The following EIF4G3 variants were observed in gnomAD, a reference collection of about 807,000 sequenced individuals.
EIF4G3 encodes eukaryotic translation initiation factor 4 gamma 3.
In EIF4G3, 34 loss-of-function variants were observed where a neutral mutation model predicts 186.4. That is an observed-to-expected ratio of 0.18 (90% CI 0.14 to 0.24). EIF4G3 has a LOEUF of 0.24. Among genes scored for constraint, EIF4G3 ranks in the 10% least tolerant of loss-of-function variants. The probability of loss-of-function intolerance (pLI) is 1.00; values close to 1 mark genes in which losing one functional copy is unlikely to be tolerated. For synonymous variants in EIF4G3, 673 were observed against 679.5 expected (o/e 0.99, Z 0.15); for missense variants, 1,536 against 1,948.5 (o/e 0.79, Z 3.99).
chr1:20,974,654 G>A (rs570556092), intron 10 of EIF4G3, among the ~76,000 whole-genome samples: 21 of 152,184 alleles, frequency 1.4e-4, no homozygotes, highest in Middle Eastern at 3.4e-3. Flanking sequence ...AGCTATAGCT[G>A]GACAAAAATA....
intron 4 of EIF4G3, among the ~76,000 whole-genome samples, chr1:21,029,508 G>A (rs1192939934): frequency 6.6e-6 from 1 of 151,950 alleles, no homozygotes; most frequent in Non-Finnish European, 1.5e-5. Flanking sequence ...AGTGGCTCAC[G>A]CCTGTAATCC....
chr1:21,124,289 G>GA (rs111737648), intron 2 of EIF4G3, among the ~76,000 whole-genome samples: 5,105 of 146,768 alleles, frequency 0.035, 109 homozygotes, highest in Non-Finnish European at 0.039. Flanking sequence ...CGGTCTCAAA[G>GA]AAAAAAAAAA....
chr1:21,053,904 G>A (rs1210512261), intron 3 of EIF4G3, among the ~76,000 whole-genome samples: 2 of 151,706 alleles, frequency 1.3e-5, no homozygotes, highest in East Asian at 4.0e-4. Context: ...GGGCGCCTCT[G>A]CCCGGCCGCC....
intron 24 of EIF4G3, 122 bp downstream of exon 24, chr1:20,860,263 C>T: frequency 2.2e-6 from 3 of 1,357,568 alleles, no homozygotes; most frequent in Non-Finnish European, 3.0e-6. Context: ...CTTCACCTAA[C>T]AATCACCACT....
chr1:20,972,027 T>A (rs1202685680), intron 11 of EIF4G3, among the ~76,000 whole-genome samples: 1 of 152,202 alleles, frequency 6.6e-6, no homozygotes, highest in Admixed American at 6.5e-5. Context: ...GGAGTCTCTC[T>A]TGAATAAAAA....
In EIF4G3 at chr1:20,957,665, CAAGAA is replaced by C. The variant is rs1432207668; in HGVS notation, c.715-7559_715-7555del. Among the ~76,000 whole-genome samples the C allele has an allele frequency of 2.0e-5, 3 of 151,298 alleles. No homozygotes were observed. In the East Asian group the frequency reaches 5.8e-4, roughly 29 times the overall value. On this transcript the variant is annotated intron_variant, in intron 12 of 36. Transcript: ENST00000602326. ...TAGATAGACTATTCACTAGAATAACCAAGAAAAGAGAGAAGATCCAAATAAGCTCA... is the reference window on the plus strand; with the variant it reads ...TAGATAGACTATTCACTAGAATAACCAAGAGAGAAGATCCAAATAAGCTCA...
intron 2 of EIF4G3, among the ~76,000 whole-genome samples, chr1:21,122,760 A>G (rs2096949268): frequency 6.6e-6 from 1 of 152,192 alleles, no homozygotes; most frequent in Non-Finnish European, 1.5e-5. Context: ...ACTCCTTTCC[A>G]ATGCATTTAA....
chr1:21,024,900 T>TA (rs1421695930), intron 4 of EIF4G3, among the ~76,000 whole-genome samples: 13 of 111,548 alleles, frequency 1.2e-4, no homozygotes, highest in South Asian at 8.3e-4. Flanking sequence ...AAAAATAAAT[T>TA]TAAAAAAAAA....
chr1:20,929,694 T>C (rs2095191732), intron 14 of EIF4G3: 1 of 152,224 alleles, frequency 6.6e-6, no homozygotes, highest in South Asian at 2.1e-4. Flanking sequence ...TCTTTACAAT[T>C]CTATAATGTA....
At chr1:20,820,088 C>T (rs1308523739) in intron 33 of EIF4G3, among the ~76,000 whole-genome samples, 2 of 151,938 alleles carry the variant, frequency 1.3e-5, no homozygotes, top group Non-Finnish European at 2.9e-5. Context: ...CAAACCATAG[C>T]TGCGGACCCA....
At chr1:21,112,127 TAAA>T (rs2096737364) in intron 2 of EIF4G3, among the ~76,000 whole-genome samples, 1 of 152,198 alleles carries the variant, frequency 6.6e-6, no homozygotes, top group Non-Finnish European at 1.5e-5. Flanking sequence ...TTTTTCCCCT[TAAA>T]GAAGAATGAT....
chr1:21,144,153 T>C (rs984729266), intron 2 of EIF4G3, among the ~76,000 whole-genome samples: 5 of 152,178 alleles, frequency 3.3e-5, no homozygotes, highest in African/African-American at 1.2e-4. Context: ...ATAGTCCAAA[T>C]AGAGCTCCAA....
At chr1:20,956,635 AAAC>A (rs747407826) in intron 12 of EIF4G3, among the ~76,000 whole-genome samples, 72 of 146,214 alleles carry the variant, frequency 4.9e-4, no homozygotes, top group African/African-American at 1.7e-3. Context: ...AAAAAAAAAA[AAAC>A]AAGGAGAGCA....
At chr1:20,911,049 C>G (rs1277879729) in intron 14 of EIF4G3, among the ~76,000 whole-genome samples, 1 of 152,110 alleles carries the variant, frequency 6.6e-6, no homozygotes, top group Non-Finnish European at 1.5e-5. Flanking sequence ...TCCTGTATGA[C>G]TAATCCACTT....
intron 29 of EIF4G3, 166 bp from the exon 30 acceptor site, chr1:20,841,194 G>A: frequency 1.7e-6 from 1 of 597,394 alleles, no homozygotes; most frequent in Non-Finnish European, 2.7e-6. Context: ...TTATAGCTCA[G>A]TAAATTACAG....
intron 3 of EIF4G3, among the ~76,000 whole-genome samples, chr1:21,061,684 A>G (rs1289797887): frequency 6.6e-6 from 1 of 151,360 alleles, no homozygotes; most frequent in Non-Finnish European, 1.5e-5. Flanking sequence ...CAATTGTTAC[A>G]TACTCAAGGT....
At chr1:21,008,351 CTTT>C (rs1003755067) in intron 4 of EIF4G3, among the ~76,000 whole-genome samples, 1 of 148,542 alleles carries the variant, frequency 6.7e-6, no homozygotes, top group African/African-American at 2.5e-5. Context: ...TTTTTTTCTT[CTTT>C]GAGACGGAGT....
intron 2 of EIF4G3, among the ~76,000 whole-genome samples, chr1:21,174,911 T>C (rs1367572049): frequency 6.6e-6 from 1 of 152,152 alleles, no homozygotes; most frequent in Non-Finnish European, 1.5e-5. Context: ...AAATGACACT[T>C]GGCAGAAAAC....
At chr1:20,902,046 C>G (rs921309848) in intron 15 of EIF4G3, among the ~76,000 whole-genome samples, 3 of 151,868 alleles carry the variant, frequency 2.0e-5, no homozygotes, top group Admixed American at 6.6e-5. Flanking sequence ...CATCCTTCAT[C>G]CTTACTTTTC....
Sources: gnomAD v4.1 joint callset for allele counts (sites outside exome capture counted in the v4.1 genomes callset) on GRCh38, gnomAD v4.1.1 for gene constraint, MANE v1.5 for transcripts, NCBI Gene and HGNC (gene_info 2026-07-23, HGNC 2026-07-21) for gene names.